The following ADAMTS6 variants were observed in gnomAD, a reference collection of about 807,000 sequenced individuals.
The protein encoded by ADAMTS6 is ADAM metallopeptidase with thrombospondin type 1 motif 6, also known as A disintegrin and metalloproteinase with thrombospondin motifs 6.
In ADAMTS6, 23 loss-of-function variants were observed where a neutral mutation model predicts 144.3. The ratio of observed to expected loss-of-function variants is 0.16; its 90% confidence interval spans 0.11 to 0.23. The LOEUF is 0.23. ADAMTS6 is among the 10% of genes least tolerant of loss of function. The pLI, the probability that ADAMTS6 is intolerant of heterozygous loss-of-function variation, is 1.00. For synonymous variants in ADAMTS6, 444 were observed against 457.5 expected, an observed-to-expected ratio of 0.97 and a Z score of 0.38; for missense variants, 999 against 1,379.6, an observed-to-expected ratio of 0.72 and a Z score of 4.37.
At chr5:65,397,776 T>C (rs1055732503) in intron 7 of ADAMTS6, among the ~76,000 whole-genome samples, 12 of 150,724 alleles carry the variant, frequency 8.0e-5, no homozygotes, top group African/African-American at 2.9e-4. Flanking sequence ...ACTTAGGAGG[T>C]TGAGGTGGGA....
chr5:65,160,995 C>T (rs1012336179), intron 24 of ADAMTS6, among the ~76,000 whole-genome samples: 16 of 151,660 alleles, frequency 1.1e-4, no homozygotes, highest in African/African-American at 3.4e-4. Context: ...TAACAGACCA[C>T]GTTTGCATTA....
At chr5:65,251,130 A>T (rs1374303260) in intron 14 of ADAMTS6, 1 of 152,250 alleles carries the variant, frequency 6.6e-6, no homozygotes, top group African/African-American at 2.4e-5. Flanking sequence ...ATAATAATTA[A>T]AAGTATATTT....
intron 22 of ADAMTS6, among the ~76,000 whole-genome samples, chr5:65,186,999 G>A (rs983794873): frequency 6.6e-6 from 1 of 152,122 alleles, no homozygotes; most frequent in Non-Finnish European, 1.5e-5. Context: ...AAAGAACAAC[G>A]TTTAATATTT....
At chr5:65,252,727 A>G (rs765018397) in intron 14 of ADAMTS6, among the ~76,000 whole-genome samples, 27 of 152,116 alleles carry the variant, frequency 1.8e-4, no homozygotes, top group Non-Finnish European at 3.8e-4. Context: ...GCAGTAATCC[A>G]TAGCACCAAC....
intron 4 of ADAMTS6, among the ~76,000 whole-genome samples, chr5:65,454,782 C>T (rs1425507711): frequency 1.3e-5 from 2 of 152,164 alleles, no homozygotes; most frequent in East Asian, 1.9e-4. Context: ...CTACCCATAA[C>T]CACAAAGAAC....
intron 15 of ADAMTS6, among the ~76,000 whole-genome samples, chr5:65,240,058 C>T (rs1365068412): frequency 1.3e-5 from 2 of 152,122 alleles, no homozygotes; most frequent in Non-Finnish European, 2.9e-5. Flanking sequence ...CACAAATGTT[C>T]ATAGCAGTTT....
rs577837763 is a variant in ADAMTS6, at chr5:65,329,007, G to A, written c.1223+371C>T. Among the ~76,000 whole-genome samples the A allele has an allele frequency of 3.3e-5, 5 of 152,030 alleles. No individual in the cohort carries two copies. In the South Asian group the frequency reaches 1.0e-3, roughly 32 times the overall value. The stretch of plus-strand genomic sequence containing the variant: ...GGATGCTGACAGCTGTATGAAGAGT[G>A]AAAACTAAAAATACATTTTATGGTA... On this transcript the variant is annotated intron_variant, in intron 9 of 24. Transcript: ENST00000381055.
At chr5:65,261,922 T>C (rs1343857501) in intron 13 of ADAMTS6, among the ~76,000 whole-genome samples, 4 of 149,250 alleles carry the variant, frequency 2.7e-5, no homozygotes, top group African/African-American at 7.4e-5. Flanking sequence ...AAAATAAAAA[T>C]AGACCATCTT....
intron 24 of ADAMTS6, among the ~76,000 whole-genome samples, chr5:65,163,126 TC>T (rs1334426309): frequency 1.3e-5 from 2 of 152,130 alleles, no homozygotes; most frequent in Non-Finnish European, 2.9e-5. Flanking sequence ...CCCAGCATGG[TC>T]TTGAACTCCT....
chr5:65,305,535 G>C (rs1743859590), intron 9 of ADAMTS6, among the ~76,000 whole-genome samples: 1 of 151,774 alleles, frequency 6.6e-6, no homozygotes, highest in Admixed American at 6.6e-5. Flanking sequence ...CTCTGCTGTT[G>C]AGTTTCAAAA....
chr5:65,292,918 A>G (rs2112766393), intron 10 of ADAMTS6, among the ~76,000 whole-genome samples: 1 of 152,158 alleles, frequency 6.6e-6, no homozygotes, highest in African/African-American at 2.4e-5. Flanking sequence ...ACACTTTTTT[A>G]TTTCCTTTTT....
At chr5:65,246,548 G>C (rs949701517) in intron 14 of ADAMTS6, among the ~76,000 whole-genome samples, 62 of 152,206 alleles carry the variant, frequency 4.1e-4, no homozygotes, top group African/African-American at 1.5e-3. Context: ...TTTTTAAACA[G>C]TATGATCAAA....
At position 65,179,547 on chromosome 5, in the gene ADAMTS6, T is replaced by G. The variant is rs570799947; in HGVS notation, c.2911-6539A>C. Among the ~76,000 whole-genome samples, 11 of 152,316 alleles carry G rather than the reference T, an allele frequency of 7.2e-5. 1 individual carries two copies. Among genetic ancestry groups the G allele is most frequent in the African/African-American group, 2.6e-4 (11 of 41,576 alleles). ...ACTTAGGAATAGGATGTGGTTCTCT[T>G]AATTAGGAAAGAGGCTATATGGCAG... On this transcript the variant is annotated intron_variant, in intron 22 of 24. Coordinates refer to ENST00000381055, the MANE Select transcript of ADAMTS6 (RefSeq NM_197941.4).
At chr5:65,356,945 T>C (rs550137868) in intron 7 of ADAMTS6, among the ~76,000 whole-genome samples, 7 of 151,976 alleles carry the variant, frequency 4.6e-5, no homozygotes, top group African/African-American at 1.7e-4. Context: ...TCAGGGGTAA[T>C]AATATTATTA....
chr5:65,311,656 C>T (rs6449781), intron 9 of ADAMTS6, among the ~76,000 whole-genome samples: 87,453 of 151,694 alleles, frequency 0.58, 26,377 homozygotes, highest in African/African-American at 0.76. Flanking sequence ...ATGATCCCCC[C>T]TAACACTGTG....
chr5:65,328,534 T>TAA (rs58427371), intron 9 of ADAMTS6, among the ~76,000 whole-genome samples: 1 of 149,010 alleles, frequency 6.7e-6, no homozygotes. Context: ...GCTTTCCTGC[T>TAA]AAAAAAAAAA....
rs545810257 is a variant in ADAMTS6, at chr5:65,398,489, C to T, written c.1073+52986G>A. Among the ~76,000 whole-genome samples, 12 of 152,202 alleles carry T rather than the reference C, an allele frequency of 7.9e-5. No homozygotes were observed. In the East Asian group the frequency reaches 2.3e-3, roughly 29 times the overall value. On this transcript the variant is annotated intron_variant, in intron 7 of 24. Coordinates refer to ENST00000381055, the MANE Select transcript of ADAMTS6 (RefSeq NM_197941.4). ...CCTGTAATCCCAACACTTTGGGAGG[C>T]CAAGGCAGGCAGATCACTTGAGGTC... is the stretch of plus-strand genomic sequence containing the variant.
chr5:65,358,704 C>T (rs1749566870), intron 7 of ADAMTS6, among the ~76,000 whole-genome samples: 2 of 151,968 alleles, frequency 1.3e-5, no homozygotes, highest in African/African-American at 2.4e-5. Context: ...ACAGAACAGA[C>T]AGCTCAGAAA....
chr5:65,158,813 C>T (rs994664604), intron 24 of ADAMTS6, among the ~76,000 whole-genome samples: 4 of 152,106 alleles, frequency 2.6e-5, no homozygotes, highest in Admixed American at 6.6e-5. Context: ...ATTGTATCTC[C>T]CTTCTTCTTC....
Sources: gnomAD v4.1 joint callset for allele counts (sites outside exome capture counted in the v4.1 genomes callset) on GRCh38, gnomAD v4.1.1 for gene constraint, MANE v1.5 for transcripts, NCBI Gene and HGNC (gene_info 2026-07-23, HGNC 2026-07-21) for gene names.